The following TEX10 variants were observed in gnomAD, a reference collection of about 807,000 sequenced individuals.
TEX10 encodes testis expressed 10.
In TEX10, 24 loss-of-function variants were observed where a neutral mutation model predicts 104.4. That is an observed-to-expected ratio of 0.23 (90% CI 0.17 to 0.32). The LOEUF (loss-of-function observed/expected upper bound fraction) is 0.32. Ranked by LOEUF, TEX10 falls within the 10% of genes least tolerant of loss-of-function variation. The pLI, the probability that TEX10 is intolerant of heterozygous loss-of-function variation, is 1.00. For missense variants in TEX10, 921 were observed against 1,083.9 expected, an observed-to-expected ratio of 0.85 and a Z score of 2.11; for synonymous variants, 396 against 393.4, an observed-to-expected ratio of 1.01 and a Z score of -0.08.
rs1476055391 is a variant in TEX10, at chr9:100,330,123, G to C, written c.1297C>G (p.Leu433Val). ...ATGATATCAGACAGTGTTAAATTCAGTAAGAGATGATCTATGTTATTGGAG... is the reference window on the plus strand; with the variant it reads ...ATGATATCAGACAGTGTTAAATTCACTAAGAGATGATCTATGTTATTGGAG... ...VLSNNIDHLL[L>V]NLTLSDIMVS... Residue 433 changes from leucine to valine, a missense_variant, in exon 6 of 15, where the codon CTG (leucine) becomes GTG (valine). Leu to Val is a conservative substitution (Grantham distance 32). Coordinates refer to ENST00000374902, the MANE Select transcript of TEX10 (RefSeq NM_017746.4). The C allele has an allele frequency of 1.2e-6, 2 of 1,613,812 alleles. No individual in the cohort carries two copies. Among genetic ancestry groups the C allele is most frequent in the South Asian group, 2.2e-5 (2 of 91,036 alleles).
rs74648950 is a variant in TEX10 at position 100,340,449 on chromosome 9, T to C, written c.1138-80A>G. The C allele has an allele frequency of 5.4e-4, 435 of 805,026 alleles. 3 individuals are homozygous for C. In the African/African-American group the frequency reaches 7.5e-3, roughly 14 times the overall value. The allele number at this position is 805,026 out of a possible 1,614,324, so 49.9% of individuals were successfully genotyped here. A position where few individuals can be genotyped will look rare whatever the true frequency, so the allele number is the denominator to read the frequency against. On this transcript the variant is annotated intron_variant, in intron 4 of 14. Coordinates refer to ENST00000374902, the MANE Select transcript of TEX10 (RefSeq NM_017746.4). The stretch of plus-strand genomic sequence containing the variant: ...ATAAAACTTGAAGAGAAATGACAAC[T>C]TGTCAAATAAATGTCCCATCATAAT...
chr9:100,339,823 A>T lies in TEX10; in HGVS notation c.1250+434T>A, dbSNP rs1025389871. On this transcript the variant is annotated intron_variant, in intron 5 of 14. Coordinates refer to ENST00000374902, the MANE Select transcript of TEX10 (RefSeq NM_017746.4). ...TCTAATCAATTACCTTTTATTTCTG[A>T]TTTTTCTCCAATTACCCTCCTTCCT... 4.1e-5 allele frequency among the ~76,000 whole-genome samples: 6 copies of T among 147,818 alleles called. No individual in the cohort carries two copies. The East Asian group carries it at 1.2e-3, about 29-fold the overall frequency.
In TEX10 at chr9:100,344,655, C is replaced by T. The variant is rs543151640; in HGVS notation, c.1137+1417G>A. On this transcript the variant is annotated intron_variant, in intron 4 of 14. Coordinates refer to ENST00000374902, the MANE Select transcript of TEX10 (RefSeq NM_017746.4). ...AGGTCAGGAGTTCAAAACCAGCCTG[C>T]CCAACATGGTAAAACCCCGTCTCTA... 1.1e-4 allele frequency among the ~76,000 whole-genome samples: 16 copies of T among 152,106 alleles called. No homozygotes were observed. The East Asian group carries it at 3.1e-3, about 30-fold the overall frequency.
rs760597143 is a variant in TEX10 at position 100,302,100 on chromosome 9, C to T, written c.*91G>A. On this transcript the variant is annotated 3_prime_UTR_variant, in exon 15 of 15. Transcript: ENST00000374902. The stretch of plus-strand genomic sequence containing the variant: ...TTCGTAAACTTCTTTAAAAGTTCAG[C>T]TTTAATGACAAAGATCTATTACATC... The T allele has an allele frequency of 1.3e-6, 1 of 757,254 alleles. No homozygotes were observed. Among genetic ancestry groups the T allele is most frequent in the Admixed American group, 2.7e-5 (1 of 36,968 alleles). The allele number at this position is 757,254 out of a possible 1,614,324, so 46.9% of individuals were successfully genotyped here.
chr9:100,343,065 C>T (rs539394020), intron 4 of TEX10, among the ~76,000 whole-genome samples: 2 of 151,022 alleles, frequency 1.3e-5, no homozygotes, highest in South Asian at 2.1e-4. Context: ...AGGAGAATGG[C>T]GTGAACTCGG....
At chr9:100,329,088 T>G in intron 7 of TEX10, 52 bp downstream of exon 7, 1 of 1,512,282 alleles carries the variant, frequency 6.6e-7, no homozygotes, top group Non-Finnish European at 8.9e-7. Flanking sequence ...ATACTTAGAC[T>G]ACAGAAAAAC....
chr9:100,327,910 C>A lies in TEX10; in HGVS notation c.1678G>T (p.Ala560Ser). The A allele has an allele frequency of 6.3e-7, 1 of 1,597,572 alleles. No homozygotes were observed. The highest frequency in any genetic ancestry group is 8.6e-7 in the Non-Finnish European group (1 of 1,169,048). ...TCAGGATTTCGGGAGCCAAGATGAG[C>A]AAGTTGCAATGGTAAGCCAGCCAGC... ...RWLAGLPLQL[A>S]HLGSRNPELS... Residue 560 changes from alanine to serine, a missense_variant, in exon 8 of 15, where the codon GCT becomes TCT. Ala to Ser is a moderately conservative substitution (Grantham distance 99, BLOSUM62 1). This residue lies in a region of TEX10 where 753 missense variants were observed against 868.4 expected (regional missense o/e 0.87). Transcript: ENST00000374902.
At chr9:100,352,209 A>G (rs1351703802) in intron 1 of TEX10, among the ~76,000 whole-genome samples, 5 of 152,134 alleles carry the variant, frequency 3.3e-5, no homozygotes, top group Non-Finnish European at 5.9e-5. Context: ...CCTTAAACTC[A>G]TGAGTTCCTC....
At chr9:100,318,132 A>T (rs1355446905) in intron 11 of TEX10, among the ~76,000 whole-genome samples, 2 of 152,226 alleles carry the variant, frequency 1.3e-5, no homozygotes, top group Non-Finnish European at 2.9e-5. Context: ...CCAAAGGAAA[A>T]GAAATAATTA....
chr9:100,351,227 A>G (rs1339121823), intron 1 of TEX10, among the ~76,000 whole-genome samples: 1 of 152,108 alleles, frequency 6.6e-6, no homozygotes, highest in Non-Finnish European at 1.5e-5. Flanking sequence ...CACAGAACTG[A>G]GCTCTGCAAA....
rs185915569 is a variant in TEX10 at position 100,320,517 on chromosome 9, T to C, written c.2069-119A>G. On this transcript the variant is annotated intron_variant, in intron 10 of 14. Transcript: ENST00000374902. The stretch of plus-strand genomic sequence containing the variant: ...GAACATTCTTTAAGCTACCTTGTTT[T>C]CTCTGAGCTTCTGCATTTCATGCTA... 286 of 1,097,750 alleles carry C rather than the reference T, an allele frequency of 2.6e-4. 2 individuals are homozygous for C. In the African/African-American group the frequency reaches 4.1e-3, roughly 16 times the overall value. 68.0% of individuals were successfully genotyped at this position (1,097,750 alleles called of 1,614,324 possible). A position where few individuals can be genotyped will look rare whatever the true frequency, so the allele number is the denominator to read the frequency against.
chr9:100,322,524 G>A (rs555650506), intron 9 of TEX10, among the ~76,000 whole-genome samples: 16 of 152,222 alleles, frequency 1.1e-4, no homozygotes, highest in African/African-American at 3.9e-4. Flanking sequence ...ACAGACAACT[G>A]AATAAATATC....
intron 5 of TEX10, 45 bp from the exon 6 acceptor site, chr9:100,330,214 T>C: frequency 7.5e-7 from 1 of 1,331,790 alleles, no homozygotes; most frequent in Non-Finnish European, 1.0e-6. Context: ...ACGTCTACCA[T>C]GCCTGCTTCA....
intron 14 of TEX10, 133 bp from the exon 15 acceptor site, chr9:100,302,437 G>C: frequency 1.8e-6 from 1 of 567,630 alleles, no homozygotes; most frequent in Non-Finnish European, 3.1e-6. Flanking sequence ...ACCATAGGAA[G>C]TCTTCCAGGA....
At position 100,327,888 on chromosome 9, in the gene TEX10, G is replaced by C. The variant is rs1161992723; in HGVS notation, c.1700C>G (p.Pro567Arg). ...ATCGATAAGCTGTGTAGAGAGCTCA[G>C]GATTTCGGGAGCCAAGATGAGCAAG... ...LQLAHLGSRN[P>R]ELSTQLIDII... The change falls in exon 8 of 15, where the codon CCT becomes CGT. Residue 567 changes from proline to arginine, a missense_variant. Coordinates refer to ENST00000374902, the MANE Select transcript of TEX10 (RefSeq NM_017746.4). 1.9e-6 allele frequency: 3 copies of C among 1,605,682 alleles called. No homozygotes were observed. The highest frequency in any genetic ancestry group is 1.3e-5 in the African/African-American group (1 of 74,820).
Position 100,327,844 on chromosome 9 carries a change from C to G in TEX10, c.1744G>C (p.Ala582Pro). 6.2e-7 allele frequency: 1 copy of G among 1,602,656 alleles called. No individual in the cohort carries two copies. The highest frequency in any genetic ancestry group is 1.7e-5 in the Admixed American group (1 of 59,850). ...TTTAGTAATTCTTTATTTGCTCGTGCTGCAGCGGTATGAATGATATCGATA... is the reference window on the plus strand; with the variant it reads ...TTTAGTAATTCTTTATTTGCTCGTGGTGCAGCGGTATGAATGATATCGATA... ...QLIDIIHTAA[A>P]RANKELLKSL... is the part of the protein sequence containing the mutation. Residue 582 changes from alanine (A) to proline (P), a missense_variant, in exon 8 of 15, where the codon GCA becomes CCA. Around this residue, in one of 3 missense-constraint regions of TEX10, gnomAD observed 753 missense variants for 868.4 expected, o/e 0.87. Coordinates refer to ENST00000374902, the MANE Select transcript of TEX10 (RefSeq NM_017746.4).
rs1835378560 is a variant in TEX10 at position 100,349,222 on chromosome 9, C to T, written c.142G>A (p.Gly48Arg). Reference sequence around the variant, plus strand: ...TTTCTATTGTTTGTTGGAAGTGTTCCATCCTCTTTGAGTTGCTCAGGCAGA... The same window carrying T: ...TTTCTATTGTTTGTTGGAAGTGTTCTATCCTCTTTGAGTTGCTCAGGCAGA... ...IHLPEQLKED[G>R]TLPTNNRKLN... Residue 48 changes from glycine to arginine, a missense_variant, in exon 2 of 15, where the codon GGA (glycine) becomes AGA (arginine). Physicochemically the swap from Gly to Arg is moderately radical, Grantham distance 125. Coordinates refer to ENST00000374902, the MANE Select transcript of TEX10 (RefSeq NM_017746.4). The T allele has an allele frequency of 1.3e-6, 2 of 1,568,098 alleles. No individual in the cohort carries two copies. Among genetic ancestry groups the T allele is most frequent in the Admixed American group, 2.0e-5 (1 of 50,176 alleles).
At chr9:100,336,041 C>A (rs1834999545) in intron 5 of TEX10, among the ~76,000 whole-genome samples, 1 of 151,838 alleles carries the variant, frequency 6.6e-6, no homozygotes, top group Admixed American at 6.6e-5. Context: ...GTGGCACATG[C>A]CTATAATCCC....
At chr9:100,350,634 A>C (rs1363307033) in intron 1 of TEX10, among the ~76,000 whole-genome samples, 2 of 152,210 alleles carry the variant, frequency 1.3e-5, no homozygotes. Context: ...CTGGTTTATC[A>C]TAATTATCCT....
Sources: allele counts gnomAD v4.1 joint callset (sites outside exome capture counted in the v4.1 genomes callset), GRCh38; gene constraint gnomAD v4.1.1; regional missense constraint gnomAD v4.1.1; transcripts MANE v1.5; gene names NCBI Gene and HGNC (gene_info 2026-07-23, HGNC 2026-07-21).